MCU: variants seen among roughly 807,000 people sequenced by gnomAD.
The protein encoded by MCU is mitochondrial calcium uniporter.
In MCU, 12 loss-of-function variants were observed where a neutral mutation model predicts 45.2. That is an observed-to-expected ratio of 0.27 (90% CI 0.17 to 0.43). The LOEUF (loss-of-function observed/expected upper bound fraction) is 0.43. Among genes scored for constraint, MCU ranks in the 20% least tolerant of loss-of-function variants. MCU has a pLI of 1.00. For synonymous variants in MCU, 160 were observed against 165.1 expected (o/e 0.97, Z 0.24); for missense variants, 324 against 436.7 (o/e 0.74, Z 2.30).
intron 2 of MCU, among the ~76,000 whole-genome samples, chr10:72,839,070 A>T (rs1833424405): frequency 6.6e-6 from 1 of 151,508 alleles, no homozygotes; most frequent in African/African-American, 2.4e-5. Context: ...GCTCACTGCA[A>T]CCTCTGCCTC....
chr10:72,880,490 A>T (rs776841776), intron 6 of MCU, among the ~76,000 whole-genome samples: 42 of 150,228 alleles, frequency 2.8e-4, no homozygotes, highest in Non-Finnish European at 3.0e-5. Flanking sequence ...GGGGGGGGGA[A>T]ACCCTAGAAA....
intron 1 of MCU, among the ~76,000 whole-genome samples, chr10:72,695,628 A>G (rs1463140590): frequency 6.6e-6 from 1 of 152,130 alleles, no homozygotes; most frequent in South Asian, 2.1e-4. Context: ...CACTTTACAC[A>G]TGAGGAAACC....
intron 1 of MCU, among the ~76,000 whole-genome samples, chr10:72,713,036 C>G (rs1842914610): frequency 6.6e-6 from 1 of 152,130 alleles, no homozygotes; most frequent in East Asian, 1.9e-4. Context: ...GTTAGGCACC[C>G]AAGATATAAG....
intron 1 of MCU, among the ~76,000 whole-genome samples, chr10:72,749,246 C>T (rs568563819): frequency 2.0e-5 from 3 of 152,158 alleles, no homozygotes; most frequent in Admixed American, 6.5e-5. Context: ...AATCATGCCA[C>T]GGCACTTCAT....
chr10:72,881,123 CAAAAAT>C (rs1287698343), intron 6 of MCU, among the ~76,000 whole-genome samples: 1 of 151,616 alleles, frequency 6.6e-6, no homozygotes, highest in Non-Finnish European at 1.5e-5. Context: ...GAGTGAGACT[CAAAAAT>C]AAATAAACAA....
chr10:72,751,344 T>C lies in MCU; in HGVS notation c.150+59043T>C, dbSNP rs182358134. Among the ~76,000 whole-genome samples, 69 of 86,958 alleles carry C rather than the reference T, an allele frequency of 7.9e-4. 1 individual carries two copies. The highest frequency in any genetic ancestry group is 7.1e-3 in the African/African-American group (63 of 8,854). The allele number at this position is 86,958 out of a possible 152,430, so 57.0% of individuals were successfully genotyped here. A position where few individuals can be genotyped will look rare whatever the true frequency, so the allele number is the denominator to read the frequency against. On this transcript the variant is annotated intron_variant, in intron 1 of 7. Transcript: ENST00000373053. Reference sequence around the variant, plus strand: ...TCTCTAACATCTTCTTCTTCTTCTTTTTTTTTTTTTTTTTTTTTTTTTTTT... The same window carrying C: ...TCTCTAACATCTTCTTCTTCTTCTTCTTTTTTTTTTTTTTTTTTTTTTTTT...
chr10:72,827,894 T>C (rs139454807), intron 1 of MCU, among the ~76,000 whole-genome samples: 167 of 152,302 alleles, frequency 1.1e-3, no homozygotes, highest in African/African-American at 4.0e-3. Context: ...CTATCCAATG[T>C]CCAGGGTTTA....
At chr10:72,762,641 T>C (rs561843158) in intron 1 of MCU, among the ~76,000 whole-genome samples, 114 of 152,312 alleles carry the variant, frequency 7.5e-4, no homozygotes, top group African/African-American at 2.7e-3. Flanking sequence ...ATTATGAACA[T>C]GTGTCAGTTC....
intron 1 of MCU, among the ~76,000 whole-genome samples, chr10:72,817,474 T>C (rs898821682): frequency 2.6e-5 from 4 of 152,250 alleles, no homozygotes; most frequent in Non-Finnish European, 5.9e-5. Flanking sequence ...CTTTAGACTT[T>C]GCTTGCCGTG....
Position 72,871,850 on chromosome 10 carries a change from G to T in MCU, c.861+270G>T, listed in dbSNP as rs140927882. On this transcript the variant is annotated intron_variant, in intron 6 of 7. Transcript: ENST00000373053. The stretch of plus-strand genomic sequence containing the variant: ...ATTAAATTCAGAGAAATATACTACA[G>T]TAAGGTATAGAATAAGTGGACAAAG... Among the ~76,000 whole-genome samples the T allele has an allele frequency of 7.7e-3, 1,176 of 152,296 alleles. 12 individuals are homozygous for T. Among genetic ancestry groups the T allele is most frequent in the African/African-American group, 0.026 (1,098 of 41,550 alleles).
chr10:72,886,180 C>T lies in MCU; in HGVS notation c.*358C>T, dbSNP rs1845772187. On this transcript the variant is annotated 3_prime_UTR_variant, in exon 8 of 8. Transcript: ENST00000373053. ...AAAAGAGTAACACACCAGCACCCCA[C>T]TCGACTCTATTTGTTTTTAATTTAA... 5.8e-6 allele frequency: 1 copy of T among 172,084 alleles called. No homozygotes were observed. The highest frequency in any genetic ancestry group is 1.2e-5 in the Non-Finnish European group (1 of 81,126). The allele number at this position is 172,084 out of a possible 1,614,324, so 10.7% of individuals were successfully genotyped here.
intron 1 of MCU, among the ~76,000 whole-genome samples, chr10:72,714,708 CA>C (rs1842937272): frequency 1.3e-5 from 2 of 152,054 alleles, no homozygotes; most frequent in East Asian, 3.9e-4. Context: ...CCACGCTGGG[CA>C]AATTTTGTAT....
At chr10:72,744,384 T>G (rs991072787) in intron 1 of MCU, among the ~76,000 whole-genome samples, 1 of 152,170 alleles carries the variant, frequency 6.6e-6, no homozygotes, top group African/African-American at 2.4e-5. Context: ...AAGAAGAATT[T>G]GGTGGGGAGG....
chr10:72,692,481 G>C (rs1406264387), intron 1 of MCU, 180 bp downstream of exon 1: 1 of 802,010 alleles, frequency 1.2e-6, no homozygotes, highest in Non-Finnish European at 1.6e-6. Flanking sequence ...ACCAGGAAGG[G>C]AGGGCGGGCG....
intron 1 of MCU, among the ~76,000 whole-genome samples, chr10:72,813,322 G>A (rs1166756935): frequency 2.0e-5 from 3 of 149,952 alleles, no homozygotes; most frequent in African/African-American, 2.4e-5. Context: ...GTGATGTAAC[G>A]TCCAGAGCTG....
chr10:72,782,029 C>T (rs1438040193), intron 1 of MCU, among the ~76,000 whole-genome samples: 1 of 152,158 alleles, frequency 6.6e-6, no homozygotes, highest in East Asian at 1.9e-4. Flanking sequence ...GACTCCTCCC[C>T]ACAGTCCCCA....
intron 1 of MCU, among the ~76,000 whole-genome samples, chr10:72,778,508 ACAGAGG>A (rs1272176063): frequency 1.3e-5 from 2 of 152,144 alleles, no homozygotes; most frequent in African/African-American, 4.8e-5. Context: ...AATGGTAGTT[ACAGAGG>A]CTGGGAATGG....
At chr10:72,859,454 G>T in intron 3 of MCU, 107 bp downstream of exon 3, 1 of 1,071,544 alleles carries the variant, frequency 9.3e-7, no homozygotes, top group Non-Finnish European at 1.3e-6. Flanking sequence ...ACCCTATACT[G>T]TTAACTTCAG....
intron 1 of MCU, among the ~76,000 whole-genome samples, chr10:72,772,558 G>A (rs902915330): frequency 2.0e-5 from 3 of 152,152 alleles, no homozygotes; most frequent in Non-Finnish European, 2.9e-5. Context: ...TTAGCTGGGC[G>A]TGGTTCTGCA....
Sources: allele counts gnomAD v4.1 joint callset (sites outside exome capture counted in the v4.1 genomes callset), GRCh38; gene constraint gnomAD v4.1.1; transcripts MANE v1.5; gene names NCBI Gene and HGNC (gene_info 2026-07-23, HGNC 2026-07-21).